The following NUF2 variants were observed in gnomAD, a reference collection of about 807,000 sequenced individuals.
NUF2 encodes kinetochore protein Nuf2.
In NUF2, 34 loss-of-function variants were observed where a neutral mutation model predicts 61.8. The observed-to-expected ratio is 0.55, with a 90% CI of 0.42 to 0.73. NUF2 has a LOEUF of 0.73. NUF2 is among the 30% of genes least tolerant of loss of function. The probability of loss-of-function intolerance (pLI) is 0.00; values close to 1 mark genes in which losing one functional copy is unlikely to be tolerated. For missense variants in NUF2, 445 were observed against 539.1 expected, an observed-to-expected ratio of 0.83 and a Z score of 1.73; for synonymous variants, 172 against 181.6, an observed-to-expected ratio of 0.95 and a Z score of 0.42.
chr1:163,333,543 T>C (rs1264152445), intron 5 of NUF2, among the ~76,000 whole-genome samples: 1 of 151,902 alleles, frequency 6.6e-6, no homozygotes, highest in East Asian at 1.9e-4. Flanking sequence ...TATAATACTA[T>C]ATATGAAAAA....
intron 1 of NUF2, among the ~76,000 whole-genome samples, chr1:163,323,520 A>C (rs1437673284): frequency 6.6e-6 from 1 of 152,134 alleles, no homozygotes; most frequent in Non-Finnish European, 1.5e-5. Flanking sequence ...GAAGTTCAAG[A>C]CCAGACTGGG....
chr1:163,337,350 G>A (rs1324437126), intron 6 of NUF2, among the ~76,000 whole-genome samples: 1 of 152,044 alleles, frequency 6.6e-6, no homozygotes, highest in East Asian at 1.9e-4. Flanking sequence ...AAAGAACTGG[G>A]GGAGATTATG....
chr1:163,348,609 C>T (rs1169033226), intron 12 of NUF2, among the ~76,000 whole-genome samples: 2 of 152,048 alleles, frequency 1.3e-5, no homozygotes, highest in Non-Finnish European at 2.9e-5. Context: ...ATTCACATTC[C>T]CACCAACAGT....
chr1:163,324,621 A>G (rs1351963989), intron 1 of NUF2, among the ~76,000 whole-genome samples: 1 of 152,126 alleles, frequency 6.6e-6, no homozygotes, highest in Non-Finnish European at 1.5e-5. Context: ...ATTTTGCTTC[A>G]CTGGAGAGTA....
chr1:163,334,100 T>C (rs1413092699), intron 5 of NUF2, among the ~76,000 whole-genome samples: 1 of 152,232 alleles, frequency 6.6e-6, no homozygotes, highest in Non-Finnish European at 1.5e-5. Flanking sequence ...TTATTTCACT[T>C]AGGATAATGG....
intron 1 of NUF2, chr1:163,323,120 C>T (rs1380659053): frequency 1.3e-5 from 2 of 152,148 alleles, no homozygotes; most frequent in Admixed American, 1.3e-4. Flanking sequence ...TATTTTCATA[C>T]AAATATTATA....
chr1:163,348,068 T>G, intron 12 of NUF2, 130 bp downstream of exon 12: 1 of 586,082 alleles, frequency 1.7e-6, no homozygotes, highest in Admixed American at 3.9e-5. Flanking sequence ...ATTTCACCTT[T>G]AGTTGACTAA....
At chr1:163,345,201 G>T (rs1651082595) in intron 10 of NUF2, among the ~76,000 whole-genome samples, 1 of 152,030 alleles carries the variant, frequency 6.6e-6, no homozygotes, top group Non-Finnish European at 1.5e-5. Context: ...ACAAGGGAAG[G>T]AATCTTTGTA....
In NUF2 at chr1:163,349,599, T is replaced by A. The variant is rs189493447; in HGVS notation, c.1260+519T>A. On this transcript the variant is annotated intron_variant, in intron 13 of 13. Coordinates refer to ENST00000271452, the MANE Select transcript of NUF2 (RefSeq NM_145697.3). Reference sequence around the variant, plus strand: ...AGATTGAGGTTTCTAAAACCGCTGATACCTGATAAATAGTTAAACATTTGC... The same window carrying A: ...AGATTGAGGTTTCTAAAACCGCTGAAACCTGATAAATAGTTAAACATTTGC... 7.8e-4 allele frequency among the ~76,000 whole-genome samples: 119 copies of A among 152,336 alleles called. 1 individual carries two copies. Among genetic ancestry groups the A allele is most frequent in the East Asian group, 9.6e-4 (5 of 5,184 alleles).
Position 163,348,998 on chromosome 1 carries a change from C to A in NUF2, c.1178C>A (p.Thr393Lys). ...GGTGCTGTCTATGAACGAGTAACCA[C>A]AATTAATCAAGAAATCCAAAAAATT... is the stretch of plus-strand genomic sequence containing the variant. ...KRGAVYERVT[T>K]INQEIQKIKL... Residue 393 changes from threonine (T) to lysine (K), a missense_variant, in exon 13 of 14, where the codon ACA (threonine) becomes AAA (lysine). Coordinates refer to ENST00000271452, the MANE Select transcript of NUF2 (RefSeq NM_145697.3). The A allele has an allele frequency of 1.2e-6, 2 of 1,611,018 alleles. No individual in the cohort carries two copies. The highest frequency in any genetic ancestry group is 2.2e-5 in the South Asian group (2 of 90,076).
intron 5 of NUF2, among the ~76,000 whole-genome samples, chr1:163,330,927 GA>G (rs1281418321): frequency 2.5e-5 from 3 of 118,674 alleles, no homozygotes; most frequent in African/African-American, 5.7e-5. Context: ...TATTTGAGTA[GA>G]TTTTTTTTTT....
intron 5 of NUF2, among the ~76,000 whole-genome samples, chr1:163,332,157 AC>A (rs954082735): frequency 6.7e-6 from 1 of 148,934 alleles, no homozygotes; most frequent in Non-Finnish European, 1.5e-5. Context: ...CATCCCCCAA[AC>A]CTTGATATGT....
chr1:163,325,956 T>G (rs1650403103), intron 1 of NUF2, 76 bp from the exon 2 acceptor site: 1 of 1,142,912 alleles, frequency 8.7e-7, no homozygotes. Context: ...GCTCATTTTG[T>G]CATTATGTTT....
intron 10 of NUF2, 24 bp from the exon 11 acceptor site, chr1:163,345,654 G>T: frequency 6.3e-7 from 1 of 1,593,384 alleles, no homozygotes; most frequent in South Asian, 1.1e-5. Context: ...TCAAACTGTG[G>T]TCTCTGTTTT....
intron 9 of NUF2, among the ~76,000 whole-genome samples, chr1:163,341,637 A>T (rs1363232274): frequency 1.3e-5 from 2 of 150,902 alleles, no homozygotes; most frequent in East Asian, 3.9e-4. Flanking sequence ...TTATTTATTT[A>T]TTTTTTGAGA....
Position 163,339,391 on chromosome 1 carries a change from G to C in NUF2, c.520G>C (p.Val174Leu). Residue 174 changes from valine to leucine, a missense_variant, in exon 8 of 14, where the codon GTT becomes CTT. Val to Leu is a conservative substitution (Grantham distance 32, BLOSUM62 1). Coordinates refer to ENST00000271452, the MANE Select transcript of NUF2 (RefSeq NM_145697.3). Reference protein sequence around the residue: ...MKLERLDSVPVEEQEEFKQLS... With the variant: ...MKLERLDSVPLEEQEEFKQLS... ...TTTTGCTGTGTTAAGTTCTGTTCCA[G>C]TTGAAGAGCAAGAAGAGTTCAAGCA... 6.2e-7 allele frequency: 1 copy of C among 1,609,200 alleles called. No homozygotes were observed. Among genetic ancestry groups the C allele is most frequent in the Non-Finnish European group, 8.5e-7 (1 of 1,175,958 alleles).
At chr1:163,333,452 G>T (rs1650663029) in intron 5 of NUF2, among the ~76,000 whole-genome samples, 1 of 151,630 alleles carries the variant, frequency 6.6e-6, no homozygotes, top group Non-Finnish European at 1.5e-5. Context: ...TATACTATTT[G>T]TTTTCTCTTT....
intron 1 of NUF2, 120 bp downstream of exon 1, chr1:163,322,332 T>G (rs555389229): frequency 6.6e-6 from 1 of 152,240 alleles, no homozygotes; most frequent in Non-Finnish European, 1.5e-5. Context: ...AAGACGAGCT[T>G]GAGCTGAAAT....
At chr1:163,323,954 C>T (rs1650327974) in intron 1 of NUF2, among the ~76,000 whole-genome samples, 1 of 143,446 alleles carries the variant, frequency 7.0e-6, no homozygotes, top group South Asian at 2.4e-4. Context: ...CTTGGAGTTT[C>T]AGTTGATCAG....
Sources: allele counts gnomAD v4.1 joint callset (sites outside exome capture counted in the v4.1 genomes callset), GRCh38; gene constraint gnomAD v4.1.1; transcripts MANE v1.5; gene names NCBI Gene and HGNC (gene_info 2026-07-23, HGNC 2026-07-21).